The following VGLL4 variants were observed in gnomAD, a reference collection of about 807,000 sequenced individuals.
The protein encoded by VGLL4 is transcription cofactor vestigial-like protein 4.
VGLL4 carries 7 observed loss-of-function variants against 21.0 expected under a neutral mutation model. The ratio of observed to expected loss-of-function variants is 0.33; its 90% CI spans 0.19 to 0.63. The LOEUF (loss-of-function observed/expected upper bound fraction) is 0.63. Among genes scored for constraint, VGLL4 ranks in the 20% least tolerant of loss-of-function variants. The pLI is 0.78. For synonymous variants in VGLL4, 222 were observed against 173.2 expected (o/e 1.28, Z -2.21); for missense variants, 394 against 425.7 (o/e 0.93, Z 0.66).
At chr3:11,561,323 C>T (rs1006647446) in intron 3 of VGLL4, among the ~76,000 whole-genome samples, 1 of 151,994 alleles carries the variant, frequency 6.6e-6, no homozygotes, top group African/African-American at 2.4e-5. Context: ...GGAAAGGCCA[C>T]TTCAGAAGAG....
intron 1 of VGLL4, among the ~76,000 whole-genome samples, chr3:11,613,811 T>C (rs1199200841): frequency 6.6e-6 from 1 of 152,228 alleles, no homozygotes; most frequent in Non-Finnish European, 1.5e-5. Flanking sequence ...GTTGGTGCAA[T>C]TCCCATTTGA....
At chr3:11,646,141 G>A (rs1211644107), upstream of VGLL4, among the ~76,000 whole-genome samples, 3 of 152,152 alleles carry the variant, frequency 2.0e-5, no homozygotes, top group Non-Finnish European at 4.4e-5. Context: ...TATATTACAT[G>A]TAATAAGCTA....
intron 3 of VGLL4, among the ~76,000 whole-genome samples, chr3:11,561,245 GA>G (rs1215869600): frequency 6.6e-6 from 1 of 152,186 alleles, no homozygotes; most frequent in Non-Finnish European, 1.5e-5. Context: ...CGAGCACAGG[GA>G]GGGGGAATCA....
chr3:11,589,970 T>C (rs1447806070), intron 2 of VGLL4, among the ~76,000 whole-genome samples: 2 of 152,266 alleles, frequency 1.3e-5, no homozygotes, highest in African/African-American at 4.8e-5. Context: ...ACTCAGTCCA[T>C]AACAGATTCA....
intron 1 of VGLL4, among the ~76,000 whole-genome samples, chr3:11,633,974 A>C (rs969756709): frequency 6.6e-6 from 1 of 152,174 alleles, no homozygotes; most frequent in African/African-American, 2.4e-5. Flanking sequence ...TTAGCAATTA[A>C]CAGGAAAATT....
chr3:11,590,696 G>C (rs1453850021), intron 2 of VGLL4, among the ~76,000 whole-genome samples: 5 of 151,932 alleles, frequency 3.3e-5, no homozygotes, highest in East Asian at 1.9e-4. Flanking sequence ...GTGTGTGTGT[G>C]TGTGTGTGTG....
chr3:11,585,024 G>A (rs2074330255), intron 2 of VGLL4, among the ~76,000 whole-genome samples: 1 of 151,990 alleles, frequency 6.6e-6, no homozygotes, highest in Non-Finnish European at 1.5e-5. Context: ...GCTCCATTAA[G>A]GAGTTATTAA....
In VGLL4 at chr3:11,568,425, C is replaced by G. The variant is rs2125150948; in HGVS notation, c.273-3406G>C. Among the ~76,000 whole-genome samples, 1 of 152,336 alleles carries G rather than the reference C, an allele frequency of 6.6e-6. No homozygotes were observed. Among genetic ancestry groups the G allele is most frequent in the African/African-American group, 2.4e-5 (1 of 41,582 alleles). On this transcript the variant is annotated intron_variant, in intron 2 of 4. Transcript: ENST00000430365. This position sits in a 1 kb window ranked among gnomAD's most constrained non-coding sequence, Gnocchi z 5.9. ...TGCCATCTATGCTCCCACAGCCCCA[C>G]TGTGCGCCCACCCTACGCAGGGCAG...
At chr3:11,658,850 T>G (rs2075993774) in intron 2 of VGLL4, among the ~76,000 whole-genome samples, 2 of 152,202 alleles carry the variant, frequency 1.3e-5, no homozygotes, top group African/African-American at 4.8e-5. Context: ...CAGCTGCTAA[T>G]AGAAGACACT....
At position 11,568,481 on chromosome 3, in the gene VGLL4, C is replaced by A; in HGVS notation, c.273-3462G>T. The A allele has an allele frequency of 7.3e-7, 1 of 1,372,198 alleles. No homozygotes were observed. The highest frequency in any genetic ancestry group is 1.0e-6 in the Non-Finnish European group (1 of 992,384). 85.0% of individuals were successfully genotyped at this position (1,372,198 alleles called of 1,614,324 possible). On this transcript the variant is annotated intron_variant, in intron 2 of 4. Transcript: ENST00000430365. The surrounding 1 kb of genome is among the most constrained non-coding windows in gnomAD (Gnocchi z 5.9). ...AGAAGGGGACTTCCAGGCCCACTAA[C>A]TGGAAAGACAGTCCGTGGAACACAG...
intron 2 of VGLL4, among the ~76,000 whole-genome samples, chr3:11,594,845 G>A (rs2074593408): frequency 6.6e-6 from 1 of 152,188 alleles, no homozygotes; most frequent in Admixed American, 6.5e-5. Flanking sequence ...GGTAGGAAAA[G>A]ATTTCCATGA....
At position 11,558,461 on chromosome 3, in the gene VGLL4, A is replaced by T. The variant is rs879786287; in HGVS notation, c.*95T>A. On this transcript the variant is annotated 3_prime_UTR_variant, in exon 5 of 5. Transcript: ENST00000430365. The stretch of plus-strand genomic sequence containing the variant: ...ATAAACCATCCCTTCCCTTCCCCCC[A>T]CCCCACCCCCATGATTTTTTTTTTT... 1 of 543,790 alleles carries T rather than the reference A, an allele frequency of 1.8e-6. No homozygotes were observed. Among genetic ancestry groups the T allele is most frequent in the Non-Finnish European group, 2.7e-6 (1 of 365,864 alleles). 33.7% of individuals were successfully genotyped at this position (543,790 alleles called of 1,614,324 possible).
intron 2 of VGLL4, among the ~76,000 whole-genome samples, chr3:11,683,084 G>C (rs1432121157): frequency 1.3e-5 from 2 of 151,746 alleles, no homozygotes; most frequent in Non-Finnish European, 2.9e-5. Flanking sequence ...AAAACCAGCC[G>C]AGCGTGGTGG....
intron 2 of VGLL4, among the ~76,000 whole-genome samples, chr3:11,666,454 G>C (rs1260801948): frequency 6.6e-6 from 1 of 152,130 alleles, no homozygotes; most frequent in East Asian, 1.9e-4. Flanking sequence ...TCCAGCACCA[G>C]CGTGGAGAAC....
intron 1 of VGLL4, among the ~76,000 whole-genome samples, chr3:11,605,301 C>A (rs1221991261): frequency 2.6e-5 from 3 of 114,742 alleles, no homozygotes; most frequent in Admixed American, 8.5e-5. Context: ...CCACCCCCCA[C>A]CCCCAATCCT....
intron 2 of VGLL4, among the ~76,000 whole-genome samples, chr3:11,567,055 G>A (rs2073568137): frequency 6.6e-6 from 1 of 152,124 alleles, no homozygotes. Context: ...AGCTGCTAAG[G>A]GCTGAGCAGG....
chr3:11,619,948 G>A (rs10510404), intron 1 of VGLL4, among the ~76,000 whole-genome samples: 1 of 152,026 alleles, frequency 6.6e-6, no homozygotes, highest in Non-Finnish European at 1.5e-5. Context: ...GGTCACACTG[G>A]AGACTTTTCA....
intron 2 of VGLL4, among the ~76,000 whole-genome samples, chr3:11,576,099 C>T (rs2125206516): frequency 6.6e-6 from 1 of 152,340 alleles, no homozygotes; most frequent in African/African-American, 2.4e-5. Context: ...CAGGTCATGG[C>T]TGAGAACATG....
chr3:11,681,433 G>A (rs1338063934), intron 2 of VGLL4, among the ~76,000 whole-genome samples: 1 of 152,154 alleles, frequency 6.6e-6, no homozygotes, highest in Non-Finnish European at 1.5e-5. Flanking sequence ...TCTAGACACT[G>A]CGAACACAGC....
Sources: allele counts gnomAD v4.1 joint callset (sites outside exome capture counted in the v4.1 genomes callset), GRCh38; gene constraint gnomAD v4.1.1; non-coding constraint Gnocchi (gnomAD v3.1); transcripts MANE v1.5; gene names NCBI Gene and HGNC (gene_info 2026-07-23, HGNC 2026-07-21).